Variants in ERC2 observed in about 807,000 individuals in gnomAD.
The protein encoded by ERC2 is ELKS/RAB6-interacting/CAST family member 2, also known as ERC protein 2.
ERC2 carries 42 observed loss-of-function variants against 114.8 expected under a neutral mutation model. The observed-to-expected ratio is 0.37, with a 90% CI of 0.29 to 0.47. ERC2 has a LOEUF of 0.47. Ranked by LOEUF, ERC2 falls within the 20% of genes least tolerant of loss-of-function variation. The pLI, the probability that ERC2 is intolerant of heterozygous loss-of-function variation, is 0.99. For synonymous variants in ERC2, 454 were observed against 425.5 expected, an observed-to-expected ratio of 1.07 and a Z score of -0.82; for missense variants, 939 against 1,150.7, an observed-to-expected ratio of 0.82 and a Z score of 2.66.
At chr3:56,370,128 C>T (rs561594458) in intron 2 of ERC2, among the ~76,000 whole-genome samples, 1 of 152,244 alleles carries the variant, frequency 6.6e-6, no homozygotes, top group East Asian at 1.9e-4. Flanking sequence ...CAAAATAAGG[C>T]CACCCTTGAT....
At chr3:55,859,699 C>A (rs1313341468) in intron 14 of ERC2, among the ~76,000 whole-genome samples, 1 of 148,342 alleles carries the variant, frequency 6.7e-6, no homozygotes, top group East Asian at 2.0e-4. Context: ...CACATCCCCA[C>A]CACCACCCCT....
intron 3 of ERC2, among the ~76,000 whole-genome samples, chr3:56,204,528 G>A (rs201437162): frequency 3.0e-4 from 4 of 13,200 alleles, no homozygotes; most frequent in East Asian, 3.6e-3. Flanking sequence ...TTTTTGAGAC[G>A]GAATCTCACT....
chr3:55,857,395 A>AT (rs915260408), intron 14 of ERC2, among the ~76,000 whole-genome samples: 2 of 151,812 alleles, frequency 1.3e-5, no homozygotes, highest in South Asian at 2.1e-4. Context: ...TCCCTGTATC[A>AT]TTTTTTTTAA....
intron 15 of ERC2, among the ~76,000 whole-genome samples, chr3:55,700,168 T>C (rs1479764001): frequency 6.6e-6 from 1 of 152,226 alleles, no homozygotes; most frequent in East Asian, 1.9e-4. Flanking sequence ...GCCTGTCACA[T>C]GAGGCAACTT....
intron 14 of ERC2, among the ~76,000 whole-genome samples, chr3:55,818,560 T>C (rs56336374): frequency 0.027 from 4,064 of 152,284 alleles, 79 homozygotes; most frequent in South Asian, 0.072. Context: ...CTCAGATGAA[T>C]CTAGGTGTGA....
chr3:55,679,743 C>T (rs1559490841), intron 17 of ERC2, among the ~76,000 whole-genome samples: 3 of 152,240 alleles, frequency 2.0e-5, no homozygotes, highest in Non-Finnish European at 4.4e-5. Flanking sequence ...CCTGTACAGG[C>T]GGTGTGAAAG....
intron 1 of ERC2, among the ~76,000 whole-genome samples, chr3:56,458,623 C>T (rs1343421258): frequency 6.6e-6 from 1 of 152,264 alleles, no homozygotes; most frequent in East Asian, 1.9e-4. Flanking sequence ...CAAACAGGAC[C>T]TATTTTCAAC....
At chr3:55,583,299 G>C (rs938790720) in intron 17 of ERC2, among the ~76,000 whole-genome samples, 1 of 152,134 alleles carries the variant, frequency 6.6e-6, no homozygotes, top group Non-Finnish European at 1.5e-5. Context: ...TCAGGCATCT[G>C]TTAGCTACTG....
chr3:55,983,460 A>G (rs1431263325), intron 12 of ERC2, among the ~76,000 whole-genome samples: 1 of 152,218 alleles, frequency 6.6e-6, no homozygotes, highest in Non-Finnish European at 1.5e-5. Flanking sequence ...CTTGACAGAC[A>G]TGGAGTTTAC....
intron 17 of ERC2, among the ~76,000 whole-genome samples, chr3:55,571,754 C>T (rs905368479): frequency 6.6e-6 from 1 of 152,204 alleles, no homozygotes; most frequent in Non-Finnish European, 1.5e-5. Context: ...AGCAACAAAT[C>T]ATCTTTTCAG....
chr3:55,764,467 C>A (rs967690054), intron 14 of ERC2, among the ~76,000 whole-genome samples: 1 of 152,210 alleles, frequency 6.6e-6, no homozygotes, highest in African/African-American at 2.4e-5. Context: ...CAGTCCCCAG[C>A]CCAGATCCTG....
At chr3:55,625,096 G>A (rs1170131416) in intron 17 of ERC2, among the ~76,000 whole-genome samples, 1 of 152,116 alleles carries the variant, frequency 6.6e-6, no homozygotes, top group African/African-American at 2.4e-5. Context: ...GGCCAGGCAC[G>A]GTGGCTCACG....
At chr3:55,743,754 G>A (rs2066130660) in intron 14 of ERC2, among the ~76,000 whole-genome samples, 1 of 152,072 alleles carries the variant, frequency 6.6e-6, no homozygotes, top group Non-Finnish European at 1.5e-5. Flanking sequence ...TGGGGCTTTG[G>A]AAGCAAATGT....
At chr3:56,233,781 C>T (rs35721039) in intron 3 of ERC2, among the ~76,000 whole-genome samples, 45,250 of 152,060 alleles carry the variant, frequency 0.3, 8,416 homozygotes, top group Middle Eastern at 0.42. Context: ...CTAGAGGTGG[C>T]CCGTATTGCT....
At chr3:56,070,498 T>A (rs1047893262) in intron 7 of ERC2, among the ~76,000 whole-genome samples, 1 of 151,644 alleles carries the variant, frequency 6.6e-6, no homozygotes, top group African/African-American at 2.4e-5. Context: ...ATAGTGAAAT[T>A]GAGTATAGAA....
At chr3:56,448,551 C>T (rs892680431) in intron 1 of ERC2, among the ~76,000 whole-genome samples, 14 of 152,212 alleles carry the variant, frequency 9.2e-5, no homozygotes, top group East Asian at 1.9e-4. Context: ...CCATACCCCA[C>T]GGGCCTCATA....
At chr3:55,918,323 G>A (rs1045920330) in intron 13 of ERC2, among the ~76,000 whole-genome samples, 14 of 152,028 alleles carry the variant, frequency 9.2e-5, no homozygotes, top group African/African-American at 3.4e-4. Flanking sequence ...AAAGGTGGGG[G>A]CAGGGTGATC....
intron 2 of ERC2, among the ~76,000 whole-genome samples, chr3:56,334,865 C>T (rs147854433): frequency 1.0e-3 from 157 of 152,274 alleles, no homozygotes; most frequent in Non-Finnish European, 1.6e-3. Flanking sequence ...AGTGCAGTGG[C>T]GCAATCTCGG....
intron 17 of ERC2, among the ~76,000 whole-genome samples, chr3:55,654,482 C>T (rs1185015199): frequency 6.6e-6 from 1 of 152,238 alleles, no homozygotes. Flanking sequence ...TTATTTATTG[C>T]TTATGACATT....
Sources: allele counts gnomAD v4.1 joint callset (sites outside exome capture counted in the v4.1 genomes callset), GRCh38; gene constraint gnomAD v4.1.1; transcripts MANE v1.5; gene names NCBI Gene and HGNC (gene_info 2026-07-23, HGNC 2026-07-21).